Variants in KNDC1 observed in about 807,000 individuals in gnomAD.
KNDC1 encodes kinase non-catalytic C-lobe domain-containing protein 1.
A neutral mutation model predicts 172.8 loss-of-function variants in KNDC1; 106 were observed. The ratio of observed to expected loss-of-function variants is 0.61; its 90% confidence interval spans 0.52 to 0.72. The LOEUF is 0.72. Ranked by LOEUF, KNDC1 falls within the 30% of genes least tolerant of loss-of-function variation. The probability of loss-of-function intolerance (pLI) is 0.00; values close to 1 mark genes in which losing one functional copy is unlikely to be tolerated. For missense variants in KNDC1, 2,325 were observed against 2,394.5 expected (o/e 0.97, Z 0.61); for synonymous variants, 1,083 against 1,062.2 (o/e 1.02, Z -0.38).
In KNDC1 at chr10:133,224,589, G is replaced by A. The variant is rs1287122496; in HGVS notation, c.5019-70G>A. The A allele has an allele frequency of 5.6e-6, 6 of 1,078,992 alleles. No individual in the cohort carries two copies. The Admixed American group carries it at 1.3e-4, about 23-fold the overall frequency. The allele number at this position is 1,078,992 out of a possible 1,614,324, so 66.8% of individuals were successfully genotyped here. On this transcript the variant is annotated intron_variant, in intron 29 of 29. Transcript: ENST00000304613. The surrounding 1 kb of genome is among the most constrained non-coding windows in gnomAD (Gnocchi z 5.4). ...CCAAATGATTCCTAAGAACGCGGGG[G>A]GACTCCCTCCCCACGGAAGCCGCGC...
chr10:133,177,784 C>T (rs1456566406), intron 3 of KNDC1, among the ~76,000 whole-genome samples: 3 of 151,222 alleles, frequency 2.0e-5, no homozygotes, highest in Non-Finnish European at 4.4e-5. Context: ...GTGTGTGTAG[C>T]ATGCCTGTGT....
chr10:133,162,755 G>A (rs1853018551), intron 1 of KNDC1, among the ~76,000 whole-genome samples: 1 of 152,260 alleles, frequency 6.6e-6, no homozygotes, highest in Admixed American at 6.5e-5. Flanking sequence ...CCAGTGGGAG[G>A]ACAAATGGAG....
intron 3 of KNDC1, among the ~76,000 whole-genome samples, chr10:133,180,233 T>C (rs1433034115): frequency 6.6e-6 from 1 of 152,238 alleles, no homozygotes; most frequent in Non-Finnish European, 1.5e-5. Context: ...TTTCCCTCCT[T>C]CAGGGTGCAC....
At chr10:133,213,764 G>A (rs1845420601) in intron 25 of KNDC1, 37 bp downstream of exon 25, 1 of 1,593,622 alleles carries the variant, frequency 6.3e-7, no homozygotes, top group African/African-American at 1.3e-5. Flanking sequence ...AGCGGTGGTG[G>A]AGGGTCTCGG....
At position 133,220,005 on chromosome 10, in the gene KNDC1, G is replaced by A. The variant is rs1314885590; in HGVS notation, c.4911G>A (p.Arg1637=). 1 of 1,553,918 alleles carries A rather than the reference G, an allele frequency of 6.4e-7. No individual in the cohort carries two copies. The highest frequency in any genetic ancestry group is 1.2e-5 in the South Asian group (1 of 84,288). The change falls in exon 29 of 30, where the codon CGG becomes CGA. Residue 1637 remains arginine, a synonymous_variant. Transcript: ENST00000304613. The stretch of plus-strand genomic sequence containing the variant: ...GTCTGATGGAAGGGCGGCGCTTCCG[G>A]GCGCAGCCCACCCTGCCCTCGGCCC... The part of the protein sequence containing the change: ...SLCLMEGRRF[R]AQPTLPSAHL...
chr10:133,172,279 C>T (rs143785544), intron 3 of KNDC1, among the ~76,000 whole-genome samples: 163 of 152,314 alleles, frequency 1.1e-3, no homozygotes, highest in African/African-American at 3.8e-3. Context: ...AGAGTTTGAT[C>T]GTGAATGTGT....
intron 17 of KNDC1, chr10:133,202,710 G>A (rs1037438758): frequency 1.5e-5 from 7 of 455,868 alleles, no homozygotes; most frequent in Admixed American, 2.4e-5. Flanking sequence ...TTATGACTCA[G>A]TCCAGAACAT....
intron 29 of KNDC1, among the ~76,000 whole-genome samples, chr10:133,221,077 A>G (rs1341915218): frequency 1.3e-5 from 2 of 152,026 alleles, no homozygotes; most frequent in African/African-American, 4.8e-5. Flanking sequence ...CGTGGTCTCT[A>G]GGGACCCCTG....
intron 20 of KNDC1, 109 bp downstream of exon 20, chr10:133,207,460 G>C: frequency 9.8e-7 from 1 of 1,023,688 alleles, no homozygotes; most frequent in Non-Finnish European, 1.5e-6. Flanking sequence ...GCACTTTTTA[G>C]TTTAGAGAAA....
Position 133,225,409 on chromosome 10 carries a change from G to C in KNDC1, c.*519G>C, listed in dbSNP as rs1014419112. 1 of 165,520 alleles carries C rather than the reference G, an allele frequency of 6.0e-6. No individual in the cohort carries two copies. The highest frequency in any genetic ancestry group is 1.9e-4 in the East Asian group (1 of 5,382). The allele number at this position is 165,520 out of a possible 1,614,324, so 10.3% of individuals were successfully genotyped here. ...CCAGGGACTCCGAGACCTCCGGTCC[G>C]AGACCCTGCCTGGGTTCACCCCCCA... On this transcript the variant is annotated 3_prime_UTR_variant, in exon 30 of 30. Transcript: ENST00000304613.
chr10:133,167,389 GTC>G lies in KNDC1; in HGVS notation c.115_116del (p.Leu39GlyfsTer2). The G allele has an allele frequency of 6.3e-7, 1 of 1,586,188 alleles. No individual in the cohort carries two copies. The highest frequency in any genetic ancestry group is 8.6e-7 in the Non-Finnish European group (1 of 1,168,194). On this transcript the variant is annotated frameshift_variant, in exon 2 of 30. Coordinates refer to ENST00000304613, the MANE Select transcript of KNDC1 (RefSeq NM_152643.8). LOFTEE classifies it high-confidence loss of function. ...AGGGCCGGTCTTGGCAGGAGAACGT[GTC>G]TCTGGCTGACATCCTCTCCCTGCGG... ...PTLPEDEENV[S>X]LADILSLRDR...
At chr10:133,201,984 A>G in intron 17 of KNDC1, 86 bp downstream of exon 17, 1 of 1,415,986 alleles carries the variant, frequency 7.1e-7, no homozygotes, top group African/African-American at 1.4e-5. Context: ...GACAGATGGC[A>G]CCGTGTGCCC....
chr10:133,175,307 T>G (rs1591227587), intron 3 of KNDC1, among the ~76,000 whole-genome samples: 1 of 139,600 alleles, frequency 7.2e-6, no homozygotes, highest in South Asian at 2.3e-4. Context: ...GATGGGTGGG[T>G]GGGTGAATAG....
intron 6 of KNDC1, among the ~76,000 whole-genome samples, chr10:133,186,892 G>A (rs982328645): frequency 5.3e-5 from 8 of 152,200 alleles, no homozygotes; most frequent in African/African-American, 7.2e-5. Flanking sequence ...TCGGGTAGAC[G>A]TTTGCCTCTG....
In KNDC1 at chr10:133,191,054, A is replaced by G. The variant is rs556547885; in HGVS notation, c.1575+1241A>G. ...GTAATAAAAAAGAGTTTAAGCCCCA[A>G]CTGGCCGGGCATGGTGACTCACGCC... On this transcript the variant is annotated intron_variant, in intron 9 of 29. Transcript: ENST00000304613. 2.0e-5 allele frequency among the ~76,000 whole-genome samples: 3 copies of G among 152,312 alleles called. No individual in the cohort carries two copies. The East Asian group carries it at 5.8e-4, about 29-fold the overall frequency.
In KNDC1 at chr10:133,183,044, G is replaced by A. The variant is rs115866267; in HGVS notation, c.361-300G>A. Among the ~76,000 whole-genome samples the A allele has an allele frequency of 8.8e-3, 1,325 of 151,368 alleles. 16 individuals are homozygous for A. Among genetic ancestry groups the A allele is most frequent in the African/African-American group, 0.03 (1,232 of 41,210 alleles). On this transcript the variant is annotated intron_variant, in intron 3 of 29. Coordinates refer to ENST00000304613, the MANE Select transcript of KNDC1 (RefSeq NM_152643.8). ...CATGGGTGCGAGCAGCATGGGCGGC[G>A]TGGGTACAAGTGAGGAGGGTGTGGG...
At chr10:133,202,572 C>A (rs1332612263) in intron 17 of KNDC1, 4 of 455,772 alleles carry the variant, frequency 8.8e-6, no homozygotes, top group African/African-American at 6.0e-5. Context: ...CCATCAGCTC[C>A]GGGAACCTCT....
chr10:133,199,899 T>G (rs1854313315), intron 15 of KNDC1, among the ~76,000 whole-genome samples: 1 of 152,100 alleles, frequency 6.6e-6, no homozygotes, highest in Non-Finnish European at 1.5e-5. Flanking sequence ...TGGGCAGTGA[T>G]GGCCACAGGG....
rs756802582 is a variant in KNDC1, at chr10:133,188,639, G to T, written c.1427G>T (p.Arg476Leu). The change falls in exon 7 of 30, where the codon CGC (arginine) becomes CTC (leucine). Residue 476 changes from arginine to leucine, a missense_variant. Physicochemically the swap from Arg to Leu is moderately radical, Grantham distance 102. Coordinates refer to ENST00000304613, the MANE Select transcript of KNDC1 (RefSeq NM_152643.8). ...CLACLRALQTRPEHPAYLCLD... is the reference protein window; with the variant it reads ...CLACLRALQTLPEHPAYLCLD... ...GCCTGCCTCCGCGCACTGCAGACAC[G>T]CCCTGAGCACCCAGGTGACGCACGC... is the stretch of plus-strand genomic sequence containing the variant. 2 of 1,587,894 alleles carry T rather than the reference G, an allele frequency of 1.3e-6. No homozygotes were observed. Among genetic ancestry groups the T allele is most frequent in the Non-Finnish European group, 1.7e-6 (2 of 1,170,332 alleles).
Sources: allele counts gnomAD v4.1 joint callset (sites outside exome capture counted in the v4.1 genomes callset), GRCh38; gene constraint gnomAD v4.1.1; non-coding constraint Gnocchi (gnomAD v3.1); transcripts MANE v1.5; gene names NCBI Gene and HGNC (gene_info 2026-07-23, HGNC 2026-07-21).